Variants in CYRIB observed in about 807,000 individuals in gnomAD.
CYRIB encodes the protein CYFIP-related Rac1 interactor B.
CYRIB carries 8 observed loss-of-function variants against 44.2 expected under a neutral mutation model. The observed-to-expected ratio is 0.18, with a 90% CI of 0.11 to 0.33. The LOEUF is 0.33. CYRIB is among the 10% of genes least tolerant of loss of function. CYRIB has a pLI of 1.00. For synonymous variants in CYRIB, 131 were observed against 127.2 expected (o/e 1.03, Z -0.20); for missense variants, 185 against 382.8 (o/e 0.48, Z 4.31).
At chr8:129,995,140 A>C (rs1457918919) in intron 1 of CYRIB, among the ~76,000 whole-genome samples, 1 of 152,212 alleles carries the variant, frequency 6.6e-6, no homozygotes, top group Non-Finnish European at 1.5e-5. Flanking sequence ...AGTACCCATG[A>C]GACCTACCAA....
chr8:129,967,674 C>T (rs559733816), intron 2 of CYRIB, among the ~76,000 whole-genome samples: 35 of 152,262 alleles, frequency 2.3e-4, no homozygotes, highest in East Asian at 3.9e-4. Context: ...CCACCGTGCC[C>T]GGCTTTCTTT....
At chr8:129,914,377 G>A (rs1205900068) in intron 1 of CYRIB, among the ~76,000 whole-genome samples, 3 of 152,190 alleles carry the variant, frequency 2.0e-5, no homozygotes, top group African/African-American at 7.2e-5. Context: ...AGTGGTTATG[G>A]TGAAAAGGAT....
intron 1 of CYRIB, among the ~76,000 whole-genome samples, chr8:129,974,176 C>T (rs1203485459): frequency 3.9e-5 from 6 of 152,172 alleles, no homozygotes; most frequent in Non-Finnish European, 8.8e-5. Flanking sequence ...CTGTGAATCC[C>T]AATTTGAAAA....
At chr8:129,933,642 C>G (rs2092179111) in intron 1 of CYRIB, among the ~76,000 whole-genome samples, 1 of 152,072 alleles carries the variant, frequency 6.6e-6, no homozygotes, top group African/African-American at 2.4e-5. Context: ...CTTTGGGAGG[C>G]CGAGGCGGGC....
At chr8:129,924,171 T>C (rs1219631966) in intron 1 of CYRIB, among the ~76,000 whole-genome samples, 1 of 146,798 alleles carries the variant, frequency 6.8e-6, no homozygotes, top group African/African-American at 2.5e-5. Context: ...CAGCTACTCA[T>C]GAGGCTGAGA....
At chr8:129,959,043 A>G (rs6470787) in intron 2 of CYRIB, among the ~76,000 whole-genome samples, 60,659 of 140,412 alleles carry the variant, frequency 0.43, 15,722 homozygotes, top group African/African-American at 0.72. Flanking sequence ...CAGCCTGGGC[A>G]ACAGAGACTC....
At chr8:129,910,085 T>A (rs939647498) in intron 1 of CYRIB, among the ~76,000 whole-genome samples, 1 of 152,134 alleles carries the variant, frequency 6.6e-6, no homozygotes, top group Non-Finnish European at 1.5e-5. Flanking sequence ...TCACAGGAGC[T>A]CTCCAGAGTC....
At chr8:129,848,536 A>C (rs991156692) in intron 10 of CYRIB, among the ~76,000 whole-genome samples, 1 of 152,126 alleles carries the variant, frequency 6.6e-6, no homozygotes, top group Non-Finnish European at 1.5e-5. Flanking sequence ...GAAAATACAT[A>C]AAGTCTTCAT....
chr8:129,951,191 T>G (rs914821804), intron 2 of CYRIB, among the ~76,000 whole-genome samples: 2 of 151,756 alleles, frequency 1.3e-5, no homozygotes, highest in Admixed American at 1.3e-4. Flanking sequence ...GTAGTCCCAG[T>G]TACTCGGGAG....
At chr8:129,955,328 A>C (rs1192210578) in intron 2 of CYRIB, among the ~76,000 whole-genome samples, 1 of 151,718 alleles carries the variant, frequency 6.6e-6, no homozygotes, top group Non-Finnish European at 1.5e-5. Flanking sequence ...GAGATTTTCC[A>C]GTCACCCATA....
At chr8:129,935,866 A>G (rs1226560420) in intron 1 of CYRIB, among the ~76,000 whole-genome samples, 1 of 152,208 alleles carries the variant, frequency 6.6e-6, no homozygotes, top group East Asian at 1.9e-4. Context: ...AGTCATTCTG[A>G]CCCATGGTAC....
At chr8:129,863,959 A>T (rs756191621) in intron 4 of CYRIB, among the ~76,000 whole-genome samples, 2 of 152,220 alleles carry the variant, frequency 1.3e-5, no homozygotes, top group Non-Finnish European at 2.9e-5. Context: ...GTTATATGAC[A>T]TGTCTCAATA....
At chr8:129,839,757 C>T (rs1173403395) in exon 12 of CYRIB, 5 of 152,306 alleles carry the variant, frequency 3.3e-5, no homozygotes, top group Middle Eastern at 6.8e-3. Context: ...GCCCACAGAC[C>T]GGTTTGCTAG....
At chr8:129,842,178 C>T (rs2036638617) in exon 12 of CYRIB, 2 of 1,612,260 alleles carry the variant, frequency 1.2e-6, no homozygotes, top group Non-Finnish European at 1.7e-6. Flanking sequence ...TGGAGGTAGT[C>T]TCATCATTCA....
At chr8:129,949,708 A>T (rs1327283341) in intron 2 of CYRIB, among the ~76,000 whole-genome samples, 1 of 140,348 alleles carries the variant, frequency 7.1e-6, no homozygotes, top group East Asian at 2.1e-4. Flanking sequence ...TGTCTCTACT[A>T]AAAAAAAAAA....
At chr8:129,848,709 C>T (rs2041673741) in intron 10 of CYRIB, among the ~76,000 whole-genome samples, 1 of 151,750 alleles carries the variant, frequency 6.6e-6, no homozygotes, top group East Asian at 1.9e-4. Flanking sequence ...GCTGTGACTA[C>T]CGATGTGTGC....
chr8:130,011,243 AG>A (rs1229490855), intron 1 of CYRIB, among the ~76,000 whole-genome samples: 2 of 152,146 alleles, frequency 1.3e-5, no homozygotes, highest in Non-Finnish European at 2.9e-5. Context: ...TGAGGCGGCC[AG>A]GCGTAATGGC....
At chr8:129,940,496 C>G (rs1014701730), upstream of CYRIB, among the ~76,000 whole-genome samples, 7 of 152,152 alleles carry the variant, frequency 4.6e-5, no homozygotes, top group African/African-American at 1.7e-4. Flanking sequence ...GTTCTGGGGT[C>G]GACTCTGGGC....
At chr8:129,997,084 GGGAA>G (rs1282962016) in intron 1 of CYRIB, among the ~76,000 whole-genome samples, 2,921 of 117,718 alleles carry the variant, frequency 0.025, 58 homozygotes, top group African/African-American at 0.061. Flanking sequence ...GAGGGAGGGA[GGGAA>G]GGAGGGAGGG....
Sources: gnomAD v4.1 joint callset for allele counts (sites outside exome capture counted in the v4.1 genomes callset) on GRCh38, gnomAD v4.1.1 for gene constraint, MANE v1.5 for transcripts, NCBI Gene and HGNC (gene_info 2026-07-23, HGNC 2026-07-21) for gene names.